Variants in PKIG observed in about 807,000 individuals in gnomAD.
PKIG encodes protein kinase (cAMP-dependent, catalytic) inhibitor gamma.
PKIG carries 1 observed loss-of-function variant against 6.8 expected under a neutral mutation model. The ratio of observed to expected loss-of-function variants is 0.15; its 90% confidence interval spans 0.05 to 0.69. PKIG has a LOEUF of 0.69. PKIG is among the 30% of genes least tolerant of loss of function. The pLI, the probability that PKIG is intolerant of heterozygous loss-of-function variation, is 0.82. For missense variants in PKIG, 77 were observed against 104.0 expected, an observed-to-expected ratio of 0.74 and a Z score of 1.13; for synonymous variants, 39 against 43.0, an observed-to-expected ratio of 0.91 and a Z score of 0.36.
chr20:44,547,621 C>T (rs936793803), intron 1 of PKIG, among the ~76,000 whole-genome samples: 2 of 152,140 alleles, frequency 1.3e-5, no homozygotes, highest in Non-Finnish European at 2.9e-5. Flanking sequence ...ATCACTCCTG[C>T]GTAGTTTGTG....
chr20:44,533,830 G>A (rs3092796), intron 1 of PKIG, among the ~76,000 whole-genome samples: 26,279 of 152,196 alleles, frequency 0.17, 2,961 homozygotes, highest in African/African-American at 0.33. Context: ...AGGCCAAAGG[G>A]AGAGGTTGGT....
chr20:44,560,478 G>T (rs182414544), intron 1 of PKIG, among the ~76,000 whole-genome samples: 174 of 152,282 alleles, frequency 1.1e-3, no homozygotes, highest in Middle Eastern at 6.8e-3. Flanking sequence ...GTATTTATCA[G>T]GTAAGCATAG....
intron 1 of PKIG, among the ~76,000 whole-genome samples, chr20:44,540,889 TG>T (rs1482140623): frequency 6.6e-6 from 1 of 152,234 alleles, no homozygotes; most frequent in African/African-American, 2.4e-5. Context: ...GCCGTACTGA[TG>T]TTTTTGATTC....
intron 1 of PKIG, among the ~76,000 whole-genome samples, chr20:44,563,645 GC>G (rs1368962981): frequency 2.0e-5 from 3 of 151,950 alleles, no homozygotes; most frequent in African/African-American, 7.2e-5. Flanking sequence ...TCCTCCTACC[GC>G]AGCCTCCTGA....
At chr20:44,569,430 A>C (rs2064836171) in intron 1 of PKIG, among the ~76,000 whole-genome samples, 1 of 152,238 alleles carries the variant, frequency 6.6e-6, no homozygotes, top group Non-Finnish European at 1.5e-5. Flanking sequence ...CATTCAGAAC[A>C]GAAAGATATA....
At chr20:44,606,359 A>G (rs2065163403) in intron 2 of PKIG, among the ~76,000 whole-genome samples, 1 of 152,220 alleles carries the variant, frequency 6.6e-6, no homozygotes. Context: ...ACTGTGGTGA[A>G]GGAAAGTGCT....
chr20:44,579,041 C>T (rs988377784), upstream of PKIG, among the ~76,000 whole-genome samples: 13 of 152,102 alleles, frequency 8.5e-5, no homozygotes, highest in African/African-American at 2.9e-4. Flanking sequence ...AGAATATTAC[C>T]TGGCATATGG....
chr20:44,595,674 C>T (rs953027084), intron 2 of PKIG, among the ~76,000 whole-genome samples: 11 of 152,198 alleles, frequency 7.2e-5, no homozygotes, highest in South Asian at 2.1e-4. Context: ...CCACCATGCC[C>T]GGCTAATTTT....
chr20:44,595,105 C>G (rs552955966), intron 2 of PKIG, among the ~76,000 whole-genome samples: 7 of 152,336 alleles, frequency 4.6e-5, no homozygotes, highest in African/African-American at 1.7e-4. Flanking sequence ...GAGTTGAGGT[C>G]CAGAGCCTCC....
chr20:44,552,526 A>G (rs1400817682), intron 1 of PKIG, among the ~76,000 whole-genome samples: 1 of 152,110 alleles, frequency 6.6e-6, no homozygotes, highest in Non-Finnish European at 1.5e-5. Flanking sequence ...TGCTCAGGGT[A>G]ATTCATATAT....
At chr20:44,589,150 T>A (rs967098677) in intron 1 of PKIG, among the ~76,000 whole-genome samples, 3 of 148,178 alleles carry the variant, frequency 2.0e-5, no homozygotes, top group Non-Finnish European at 4.5e-5. Context: ...AATGCTGTAC[T>A]TTTTTTTTTT....
chr20:44,569,093 T>TC (rs2123281137), intron 1 of PKIG, among the ~76,000 whole-genome samples: 1 of 152,274 alleles, frequency 6.6e-6, no homozygotes, highest in East Asian at 1.9e-4. Flanking sequence ...AGGTCCCATG[T>TC]CCCCCCTACA....
At chr20:44,617,370 C>T (rs891630185) in intron 3 of PKIG, among the ~76,000 whole-genome samples, 6 of 152,104 alleles carry the variant, frequency 3.9e-5, no homozygotes, top group Non-Finnish European at 8.8e-5. Flanking sequence ...ACGTGGTGCA[C>T]CTTATGAAAA....
chr20:44,594,529 ATC>A (rs2065059598), intron 2 of PKIG, among the ~76,000 whole-genome samples: 1 of 152,192 alleles, frequency 6.6e-6, no homozygotes, highest in Non-Finnish European at 1.5e-5. Context: ...GGGGGTTGAT[ATC>A]TCTGTTTTAC....
At chr20:44,544,528 C>T (rs2064592861) in intron 1 of PKIG, among the ~76,000 whole-genome samples, 1 of 152,204 alleles carries the variant, frequency 6.6e-6, no homozygotes, top group Non-Finnish European at 1.5e-5. Flanking sequence ...TATCACACAG[C>T]TTGCAGTCAC....
chr20:44,612,322 C>T (rs1212219223), intron 2 of PKIG, among the ~76,000 whole-genome samples: 2 of 151,994 alleles, frequency 1.3e-5, no homozygotes, highest in Non-Finnish European at 2.9e-5. Context: ...GTGCAGTAAA[C>T]ATCCTCACAC....
At chr20:44,616,398 C>G (rs986332917) in intron 3 of PKIG, among the ~76,000 whole-genome samples, 2 of 152,240 alleles carry the variant, frequency 1.3e-5, no homozygotes, top group East Asian at 1.9e-4. Context: ...GTTCATTGAC[C>G]GACTGAATGA....
Position 44,618,423 on chromosome 20 carries a change from A to T in PKIG, c.*59A>T, listed in dbSNP as rs75676981. On this transcript the variant is annotated 3_prime_UTR_variant, in exon 4 of 4. Coordinates refer to ENST00000372886, the MANE Select transcript of PKIG (RefSeq NM_001281445.2). ...CCTTCTGTCCCCTCCCAGAGGGGGA[A>T]CCCTGGCACTGGCCCAGCAGCCTCT... 1.9e-4 allele frequency: 217 copies of T among 1,163,650 alleles called. No individual in the cohort carries two copies. The East Asian group carries it at 3.0e-3, about 16-fold the overall frequency. The allele number at this position is 1,163,650 out of a possible 1,614,324, so 72.1% of individuals were successfully genotyped here.
chr20:44,598,251 G>A (rs776655271), intron 2 of PKIG, among the ~76,000 whole-genome samples: 9 of 152,216 alleles, frequency 5.9e-5, no homozygotes, highest in Non-Finnish European at 8.8e-5. Context: ...TTTCCCCAGA[G>A]AGAGCTAGGT....
Sources: gnomAD v4.1 joint callset for allele counts (sites outside exome capture counted in the v4.1 genomes callset) on GRCh38, gnomAD v4.1.1 for gene constraint, MANE v1.5 for transcripts, NCBI Gene and HGNC (gene_info 2026-07-23, HGNC 2026-07-21) for gene names.